The following CSMD1 variants were observed in gnomAD, a reference collection of about 807,000 sequenced individuals.
CSMD1 encodes the protein CUB and Sushi multiple domains 1.
A neutral mutation model predicts 417.5 loss-of-function variants in CSMD1; 213 were observed. The observed-to-expected ratio is 0.51, with a 90% CI of 0.46 to 0.57. CSMD1 has a LOEUF of 0.57. Ranked by LOEUF, CSMD1 falls within the 20% of genes least tolerant of loss-of-function variation. The pLI is 0.00. For missense variants in CSMD1, 6,923 were observed against 4,529.7 expected (o/e 1.53, Z -15.17); for synonymous variants, 2,862 against 1,736.8 (o/e 1.65, Z -16.11).
intron 10 of CSMD1, among the ~76,000 whole-genome samples, chr8:3,510,695 G>A (rs1225588246): frequency 3.7e-5 from 4 of 107,284 alleles, no homozygotes. Flanking sequence ...TTTAATGATT[G>A]CCATTCTAAC....
At chr8:3,700,293 A>G (rs878490) in intron 7 of CSMD1, among the ~76,000 whole-genome samples, 83,391 of 152,054 alleles carry the variant, frequency 0.55, 23,021 homozygotes, top group Admixed American at 0.63. Context: ...AAGAAAATAT[A>G]CCTGCCCTCA....
chr8:3,496,386 G>A (rs1025977844), intron 10 of CSMD1, among the ~76,000 whole-genome samples: 11 of 152,152 alleles, frequency 7.2e-5, no homozygotes, highest in African/African-American at 2.4e-4. Context: ...CTTGCTCGTG[G>A]AGGGAAGCAC....
rs558565686 is a variant in CSMD1 at position 3,220,500 on chromosome 8, G to C, written c.4485-1058C>G. Among the ~76,000 whole-genome samples, 64 of 152,282 alleles carry C rather than the reference G, an allele frequency of 4.2e-4. 1 individual carries two copies. The highest frequency in any genetic ancestry group is 1.4e-3 in the African/African-American group (58 of 41,562). ...GCTTGGTTAAGATGTCTAAGATCTT[G>C]ATATGACCAGAATAAACTGATAAAG... On this transcript the variant is annotated intron_variant, in intron 28 of 69. Transcript: ENST00000635120.
At chr8:3,911,299 TC>T (rs1231844542) in intron 5 of CSMD1, among the ~76,000 whole-genome samples, 1 of 151,496 alleles carries the variant, frequency 6.6e-6, no homozygotes, top group Non-Finnish European at 1.5e-5. Flanking sequence ...TAATCATAGA[TC>T]CTTTTTTTTT....
intron 49 of CSMD1, among the ~76,000 whole-genome samples, chr8:3,079,752 G>C (rs544602016): frequency 1.3e-5 from 2 of 152,226 alleles, no homozygotes; most frequent in South Asian, 2.1e-4. Context: ...AATGGAAATG[G>C]CTTCGATTTT....
intron 5 of CSMD1, among the ~76,000 whole-genome samples, chr8:3,957,400 G>C (rs919498591): frequency 2.6e-5 from 4 of 152,294 alleles, no homozygotes; most frequent in Admixed American, 2.0e-4. Flanking sequence ...ATGTCAGTCT[G>C]GGAGCAGTGG....
At chr8:4,859,387 A>G (rs1801994204) in intron 1 of CSMD1, among the ~76,000 whole-genome samples, 1 of 152,226 alleles carries the variant, frequency 6.6e-6, no homozygotes, top group Admixed American at 6.5e-5. Context: ...CACAAAAAGC[A>G]ATAGCAACAA....
intron 3 of CSMD1, among the ~76,000 whole-genome samples, chr8:4,037,445 G>C (rs983741931): frequency 3.9e-5 from 6 of 152,182 alleles, no homozygotes; most frequent in Non-Finnish European, 5.9e-5. Context: ...GGGCATCTTA[G>C]ACCATTTCAA....
intron 26 of CSMD1, among the ~76,000 whole-genome samples, chr8:3,268,328 G>C (rs1475694769): frequency 2.3e-5 from 2 of 87,846 alleles, no homozygotes; most frequent in Admixed American, 1.8e-4. Context: ...ACGGAGTTTT[G>C]CTCTGTCACC....
intron 3 of CSMD1, among the ~76,000 whole-genome samples, chr8:4,134,182 T>C (rs1803279965): frequency 6.6e-6 from 1 of 152,182 alleles, no homozygotes; most frequent in African/African-American, 2.4e-5. Flanking sequence ...TATTTAAAAT[T>C]AAAGTTGAAG....
At chr8:4,394,883 C>A (rs1005905268) in intron 3 of CSMD1, among the ~76,000 whole-genome samples, 1 of 152,114 alleles carries the variant, frequency 6.6e-6, no homozygotes, top group African/African-American at 2.4e-5. Context: ...CTTGTCTACA[C>A]GTCTGTTTTC....
intron 5 of CSMD1, among the ~76,000 whole-genome samples, chr8:3,982,975 C>G (rs1813998423): frequency 1.3e-5 from 2 of 152,008 alleles, no homozygotes; most frequent in South Asian, 2.1e-4. Flanking sequence ...AAACAAACGA[C>G]AAATAGGGCC....
At chr8:4,464,616 G>A (rs1007495170) in intron 2 of CSMD1, among the ~76,000 whole-genome samples, 13 of 152,150 alleles carry the variant, frequency 8.5e-5, no homozygotes, top group Admixed American at 4.6e-4. Flanking sequence ...TCACGCTATT[G>A]TAAAAGGGTA....
intron 1 of CSMD1, among the ~76,000 whole-genome samples, chr8:4,657,527 G>A (rs1031270126): frequency 6.6e-6 from 1 of 151,898 alleles, no homozygotes; most frequent in African/African-American, 2.4e-5. Context: ...AACAAACATA[G>A]AAAAGAATAT....
At chr8:3,257,433 G>T (rs138760669) in intron 26 of CSMD1, among the ~76,000 whole-genome samples, 9 of 152,200 alleles carry the variant, frequency 5.9e-5, no homozygotes, top group Admixed American at 5.2e-4. Context: ...AGATTCTCAA[G>T]GGAGGAGATA....
At chr8:3,650,146 G>C (rs984546834) in intron 7 of CSMD1, among the ~76,000 whole-genome samples, 2 of 152,084 alleles carry the variant, frequency 1.3e-5, no homozygotes, top group Admixed American at 6.5e-5. Context: ...AGGCATGGTG[G>C]TGGGTGTCTG....
intron 5 of CSMD1, among the ~76,000 whole-genome samples, chr8:3,941,441 G>T (rs1810876263): frequency 6.6e-6 from 1 of 152,078 alleles, no homozygotes; most frequent in African/African-American, 2.4e-5. Context: ...TATAAAATTT[G>T]ATTGATTCCT....
At chr8:3,493,797 A>G in intron 10 of CSMD1, 71 bp from the exon 11 acceptor site, 5 of 1,282,830 alleles carry the variant, frequency 3.9e-6, no homozygotes, top group Non-Finnish European at 4.4e-6. Context: ...GGTATTGCAA[A>G]TATCTAGTTA....
intron 5 of CSMD1, among the ~76,000 whole-genome samples, chr8:3,869,182 C>G (rs1259855275): frequency 2.6e-5 from 4 of 152,166 alleles, no homozygotes; most frequent in African/African-American, 9.7e-5. Flanking sequence ...GTGCTGCACC[C>G]TGAGGCTTCT....
Sources: allele counts gnomAD v4.1 joint callset (sites outside exome capture counted in the v4.1 genomes callset), GRCh38; gene constraint gnomAD v4.1.1; transcripts MANE v1.5; gene names NCBI Gene and HGNC (gene_info 2026-07-23, HGNC 2026-07-21).